KCNH7: variants seen among roughly 807,000 people sequenced by gnomAD.
The protein encoded by KCNH7 is voltage-gated inwardly rectifying potassium channel KCNH7.
KCNH7 carries 49 observed loss-of-function variants against 120.8 expected under a neutral mutation model. That is an observed-to-expected ratio of 0.41 (90% CI 0.32 to 0.51). The LOEUF is 0.51. Ranked by LOEUF, KCNH7 falls within the 20% of genes least tolerant of loss-of-function variation. The pLI, the probability that KCNH7 is intolerant of heterozygous loss-of-function variation, is 0.38. For synonymous variants in KCNH7, 547 were observed against 516.1 expected, an observed-to-expected ratio of 1.06 and a Z score of -0.81; for missense variants, 1,097 against 1,446.6, an observed-to-expected ratio of 0.76 and a Z score of 3.92.
At chr2:162,539,009 A>G (rs984535240) in intron 2 of KCNH7, among the ~76,000 whole-genome samples, 1 of 152,128 alleles carries the variant, frequency 6.6e-6, no homozygotes, top group African/African-American at 2.4e-5. Context: ...ATGTTGGAAA[A>G]TATGCCTTAG....
chr2:162,661,415 C>G (rs1298297865), intron 2 of KCNH7, among the ~76,000 whole-genome samples: 4 of 151,928 alleles, frequency 2.6e-5, no homozygotes, highest in Non-Finnish European at 4.4e-5. Flanking sequence ...GGTATTGCAT[C>G]TTTAATAAAA....
intron 8 of KCNH7, among the ~76,000 whole-genome samples, chr2:162,427,410 T>G (rs1425896498): frequency 6.6e-6 from 1 of 152,092 alleles, no homozygotes; most frequent in Admixed American, 6.5e-5. Flanking sequence ...CATTGTAGTG[T>G]GTACATGTAA....
chr2:162,528,951 A>G (rs1458223723), intron 3 of KCNH7, among the ~76,000 whole-genome samples: 1 of 151,902 alleles, frequency 6.6e-6, no homozygotes, highest in Non-Finnish European at 1.5e-5. Flanking sequence ...TATCATGCCG[A>G]GGTTCTGGCT....
chr2:162,393,310 A>G (rs1168635710), intron 12 of KCNH7, among the ~76,000 whole-genome samples: 1 of 151,918 alleles, frequency 6.6e-6, no homozygotes, highest in Non-Finnish European at 1.5e-5. Flanking sequence ...AGGCAGTTGG[A>G]TATGTGGGAC....
intron 2 of KCNH7, among the ~76,000 whole-genome samples, chr2:162,629,701 C>T (rs1357243571): frequency 6.6e-6 from 1 of 152,034 alleles, no homozygotes; most frequent in Non-Finnish European, 1.5e-5. Flanking sequence ...CATTCAGTGA[C>T]GTCATGTTAG....
At chr2:162,481,965 CATCTATCT>C (rs35463005) in intron 6 of KCNH7, among the ~76,000 whole-genome samples, 9 of 151,098 alleles carry the variant, frequency 6.0e-5, no homozygotes, top group East Asian at 1.9e-4. Flanking sequence ...ATCTATCTAT[CATCTATCT>C]ATCTATCTAT....
chr2:162,519,486 G>C (rs562361432), intron 3 of KCNH7, among the ~76,000 whole-genome samples: 1 of 151,856 alleles, frequency 6.6e-6, no homozygotes, highest in Non-Finnish European at 1.5e-5. Context: ...CTCAGTGGGT[G>C]GGTTTGGAAG....
intron 2 of KCNH7, among the ~76,000 whole-genome samples, chr2:162,798,956 A>G (rs1267434847): frequency 6.6e-6 from 1 of 152,038 alleles, no homozygotes; most frequent in Non-Finnish European, 1.5e-5. Flanking sequence ...GTCATCTCAC[A>G]TACTGTACAT....
chr2:162,529,401 T>C (rs556806581), intron 3 of KCNH7, among the ~76,000 whole-genome samples: 2 of 152,018 alleles, frequency 1.3e-5, no homozygotes, highest in East Asian at 3.9e-4. Flanking sequence ...CCAATTTAAG[T>C]ACCAATTTTT....
chr2:162,749,838 A>G (rs1156972368), intron 2 of KCNH7, among the ~76,000 whole-genome samples: 2 of 152,226 alleles, frequency 1.3e-5, no homozygotes, highest in Admixed American at 6.5e-5. Context: ...AGATGATAAT[A>G]AGAATTGAAT....
chr2:162,512,580 C>A, intron 5 of KCNH7, 74 bp downstream of exon 5: 1 of 1,353,024 alleles, frequency 7.4e-7, no homozygotes, highest in Non-Finnish European at 1.1e-6. Context: ...ACAGGGCATA[C>A]AGCAGGCAAG....
intron 2 of KCNH7, among the ~76,000 whole-genome samples, chr2:162,581,527 C>T (rs1040403384): frequency 1.3e-5 from 2 of 151,994 alleles, no homozygotes; most frequent in African/African-American, 4.8e-5. Flanking sequence ...TAAAAAGAGG[C>T]ATTGGAGGTT....
At chr2:162,557,066 A>G (rs1434798135) in intron 2 of KCNH7, among the ~76,000 whole-genome samples, 1 of 152,224 alleles carries the variant, frequency 6.6e-6, no homozygotes, top group African/African-American at 2.4e-5. Context: ...ACATGGCTCC[A>G]TAGGTAAATT....
intron 2 of KCNH7, among the ~76,000 whole-genome samples, chr2:162,819,664 T>G (rs1685037592): frequency 6.6e-6 from 1 of 152,160 alleles, no homozygotes; most frequent in South Asian, 2.1e-4. Flanking sequence ...TGCTAAGGAT[T>G]TCTACACTCC....
intron 2 of KCNH7, among the ~76,000 whole-genome samples, chr2:162,586,902 A>G (rs774694597): frequency 1.3e-4 from 20 of 152,082 alleles, no homozygotes; most frequent in Non-Finnish European, 2.5e-4. Flanking sequence ...GCATGCTTCT[A>G]TCATCGTCAT....
At chr2:162,805,385 C>G (rs1000773311) in intron 2 of KCNH7, among the ~76,000 whole-genome samples, 2 of 151,244 alleles carry the variant, frequency 1.3e-5, no homozygotes, top group African/African-American at 4.9e-5. Context: ...AAAAAATCAG[C>G]AAGAAAAAAA....
intron 2 of KCNH7, among the ~76,000 whole-genome samples, chr2:162,644,595 C>T (rs891909203): frequency 3.3e-5 from 5 of 152,146 alleles, no homozygotes; most frequent in Admixed American, 2.0e-4. Flanking sequence ...ATCAATACTT[C>T]GCTAGTAAGA....
intron 2 of KCNH7, among the ~76,000 whole-genome samples, chr2:162,638,474 C>A (rs2105231459): frequency 6.6e-6 from 1 of 152,140 alleles, no homozygotes; most frequent in Non-Finnish European, 1.5e-5. Flanking sequence ...GAGAAAATTT[C>A]TAGCACTGTT....
intron 3 of KCNH7, among the ~76,000 whole-genome samples, chr2:162,526,434 C>T (rs1012620363): frequency 6.6e-6 from 1 of 151,898 alleles, no homozygotes; most frequent in Non-Finnish European, 1.5e-5. Flanking sequence ...GGGAGCGCTA[C>T]GGGAGACTGG....
Sources: gnomAD v4.1 joint callset for allele counts (sites outside exome capture counted in the v4.1 genomes callset) on GRCh38, gnomAD v4.1.1 for gene constraint, MANE v1.5 for transcripts, NCBI Gene and HGNC (gene_info 2026-07-23, HGNC 2026-07-21) for gene names.